Variants in ATP6V0D2 observed in about 807,000 individuals in gnomAD.
ATP6V0D2 encodes the protein ATPase H+ transporting V0 subunit d2, also known as V-type proton ATPase subunit d 2.
In ATP6V0D2, 40 loss-of-function variants were observed where a neutral mutation model predicts 40.0. The observed-to-expected ratio is 1.00, with a 90% CI of 0.78 to 1.30. The LOEUF (loss-of-function observed/expected upper bound fraction) is 1.30. Ranked by LOEUF, ATP6V0D2 falls within the 50% of genes most tolerant of loss-of-function variation. ATP6V0D2 has a pLI of 0.00. For synonymous variants in ATP6V0D2, 179 were observed against 156.3 expected, an observed-to-expected ratio of 1.15 and a Z score of -1.08; for missense variants, 470 against 423.1, an observed-to-expected ratio of 1.11 and a Z score of -0.97.
chr8:86,099,140 A>C (rs1371685117), intron 1 of ATP6V0D2, 32 bp downstream of exon 1: 1 of 864,680 alleles, frequency 1.2e-6, no homozygotes, highest in African/African-American at 2.8e-5. Context: ...CTTTAAAAAG[A>C]AAAAAAAAAA....
chr8:86,151,755 CTTTT>C (rs564476016), intron 7 of ATP6V0D2, among the ~76,000 whole-genome samples: 44 of 85,524 alleles, frequency 5.1e-4, no homozygotes, highest in Middle Eastern at 5.7e-3. Context: ...GCTTTTCTTT[CTTTT>C]TTTTTTTTTT....
intron 5 of ATP6V0D2, among the ~76,000 whole-genome samples, chr8:86,145,305 G>GAAAGA (rs1819046895): frequency 3.4e-5 from 3 of 88,384 alleles, no homozygotes; most frequent in Non-Finnish European, 6.9e-5. Flanking sequence ...AAGAAAGAAA[G>GAAAGA]AAAGAAAAGA....
rs554080675 is a variant in ATP6V0D2, at chr8:86,129,860, G to A, written c.303-9597G>A. On this transcript the variant is annotated intron_variant, in intron 2 of 7. Coordinates refer to ENST00000285393, the MANE Select transcript of ATP6V0D2 (RefSeq NM_152565.1). ...GGCATGATGGTGCATGCCTGTAGCC[G>A]CAGTTACTCTGGAGGCTGAGGTGGG... 1.8e-4 allele frequency among the ~76,000 whole-genome samples: 27 copies of A among 148,080 alleles called. 1 individual carries two copies. In the Middle Eastern group the frequency reaches 0.011, roughly 62 times the overall value.
At chr8:86,124,692 T>C (rs923083413) in intron 2 of ATP6V0D2, among the ~76,000 whole-genome samples, 1 of 152,112 alleles carries the variant, frequency 6.6e-6, no homozygotes, top group African/African-American at 2.4e-5. Flanking sequence ...AGTTGTGAGT[T>C]TAATTTAAAA....
chr8:86,120,458 C>T (rs1818654275), intron 2 of ATP6V0D2, among the ~76,000 whole-genome samples: 1 of 152,042 alleles, frequency 6.6e-6, no homozygotes, highest in African/African-American at 2.4e-5. Context: ...GTGGCTTGCA[C>T]CTGTAGTCCC....
At chr8:86,146,214 G>A (rs944589941) in intron 5 of ATP6V0D2, among the ~76,000 whole-genome samples, 2 of 152,122 alleles carry the variant, frequency 1.3e-5, no homozygotes, top group African/African-American at 2.4e-5. Context: ...TCTTTGAATA[G>A]GTAAGAAATA....
chr8:86,135,529 C>CT (rs1221049328), intron 2 of ATP6V0D2, among the ~76,000 whole-genome samples: 2 of 152,164 alleles, frequency 1.3e-5, no homozygotes, highest in African/African-American at 4.8e-5. Flanking sequence ...CTCAGTTTTC[C>CT]TTAATAATGG....
At chr8:86,150,755 A>T (rs1350946112) in intron 6 of ATP6V0D2, among the ~76,000 whole-genome samples, 1 of 152,150 alleles carries the variant, frequency 6.6e-6, no homozygotes, top group African/African-American at 2.4e-5. Flanking sequence ...GTGGCCAGAA[A>T]TCAGGAGAGG....
intron 2 of ATP6V0D2, among the ~76,000 whole-genome samples, chr8:86,131,289 T>C (rs969438266): frequency 6.6e-6 from 1 of 152,122 alleles, no homozygotes; most frequent in South Asian, 2.1e-4. Context: ...AACCTCTGCC[T>C]CCTGATTTCA....
At chr8:86,121,689 A>C (rs1310745621) in intron 2 of ATP6V0D2, among the ~76,000 whole-genome samples, 1 of 152,084 alleles carries the variant, frequency 6.6e-6, no homozygotes, top group Admixed American at 6.6e-5. Flanking sequence ...AAATGGTGGA[A>C]AGGTATCCCA....
chr8:86,140,507 G>A (rs578076735), intron 3 of ATP6V0D2, among the ~76,000 whole-genome samples: 20 of 152,110 alleles, frequency 1.3e-4, no homozygotes, highest in Admixed American at 3.3e-4. Context: ...GGAAATAATC[G>A]TATCTTTTTA....
At chr8:86,143,391 G>A (rs933770688) in intron 5 of ATP6V0D2, among the ~76,000 whole-genome samples, 1 of 152,184 alleles carries the variant, frequency 6.6e-6, no homozygotes, top group Non-Finnish European at 1.5e-5. Flanking sequence ...AGAAAGTAAA[G>A]GAGTAAAAGC....
intron 1 of ATP6V0D2, among the ~76,000 whole-genome samples, chr8:86,111,519 C>T (rs1237591661): frequency 6.6e-6 from 1 of 152,190 alleles, no homozygotes; most frequent in African/African-American, 2.4e-5. Context: ...TATGTCTTAG[C>T]TATTGTGAGC....
chr8:86,142,863 T>G lies in ATP6V0D2; in HGVS notation c.562-14T>G, dbSNP rs749924614. 1 of 1,520,260 alleles carries G rather than the reference T, an allele frequency of 6.6e-7. No homozygotes were observed. Among genetic ancestry groups the G allele is most frequent in the South Asian group, 1.2e-5 (1 of 86,570 alleles). The allele number at this position is 1,520,260 out of a possible 1,614,324, so 94.2% of individuals were successfully genotyped here. Reference sequence around the variant, plus strand: ...TATTCATTATATCACTTTATGATCTTTTTTCTTTTTAAGTCTTACCTTGAG... The same window carrying G: ...TATTCATTATATCACTTTATGATCTGTTTTCTTTTTAAGTCTTACCTTGAG... On this transcript the variant is annotated splice_polypyrimidine_tract_variant and intron_variant, in intron 4 of 7. Transcript: ENST00000285393.
At chr8:86,106,536 C>T (rs986430215) in intron 1 of ATP6V0D2, among the ~76,000 whole-genome samples, 2 of 152,198 alleles carry the variant, frequency 1.3e-5, no homozygotes, top group Non-Finnish European at 2.9e-5. Context: ...CTTAACAATA[C>T]ACCCCTGCAC....
chr8:86,133,316 CTTT>C lies in ATP6V0D2; in HGVS notation c.303-6118_303-6116del, dbSNP rs1242479597. ...AGGGGCAGCTTCACAAACAGAAAGT[CTTT>C]TTTTTTTTTTTTTTTTTTTTTTGAG... On this transcript the variant is annotated intron_variant, in intron 2 of 7. Transcript: ENST00000285393. Among the ~76,000 whole-genome samples the C allele has an allele frequency of 7.8e-3, 602 of 77,190 alleles. 1 individual carries two copies. Among genetic ancestry groups the C allele is most frequent in the African/African-American group, 0.031 (570 of 18,662 alleles). 50.6% of individuals were successfully genotyped at this position (77,190 alleles called of 152,430 possible). A position where few individuals can be genotyped will look rare whatever the true frequency, so the allele number is the denominator to read the frequency against.
At chr8:86,131,925 C>T (rs1269769498) in intron 2 of ATP6V0D2, among the ~76,000 whole-genome samples, 1 of 152,110 alleles carries the variant, frequency 6.6e-6, no homozygotes, top group Non-Finnish European at 1.5e-5. Flanking sequence ...TACATGTCCC[C>T]CTAGGTCTAC....
At chr8:86,126,236 C>CCATATATATATATATA (rs1331651271) in intron 2 of ATP6V0D2, among the ~76,000 whole-genome samples, 1 of 77,120 alleles carries the variant, frequency 1.3e-5, no homozygotes, top group Non-Finnish European at 2.9e-5. Flanking sequence ...CGTGCTCAGC[C>CCATATATATATATATA]TATATATATA....
At chr8:86,138,713 T>C (rs1404943987) in intron 2 of ATP6V0D2, among the ~76,000 whole-genome samples, 2 of 152,180 alleles carry the variant, frequency 1.3e-5, no homozygotes, top group Non-Finnish European at 2.9e-5. Context: ...ATAGGCTTCA[T>C]TGCAGTTTCA....
Sources: gnomAD v4.1 joint callset for allele counts (sites outside exome capture counted in the v4.1 genomes callset) on GRCh38, gnomAD v4.1.1 for gene constraint, MANE v1.5 for transcripts, NCBI Gene and HGNC (gene_info 2026-07-23, HGNC 2026-07-21) for gene names.